Variants in NSD2 observed in about 807,000 individuals in gnomAD.
NSD2 encodes the protein nuclear receptor binding SET domain protein 2.
NSD2 carries 12 observed loss-of-function variants against 139.0 expected under a neutral mutation model. The observed-to-expected ratio is 0.09, with a 90% confidence interval of 0.06 to 0.14. The LOEUF is 0.14. Ranked by LOEUF, NSD2 falls within the 10% of genes least tolerant of loss-of-function variation. The pLI is 1.00. For missense variants in NSD2, 1,155 were observed against 1,745.0 expected (o/e 0.66, Z 6.02); for synonymous variants, 669 against 648.7 (o/e 1.03, Z -0.48).
At chr4:1,939,804 C>T in intron 9 of NSD2, 26 bp downstream of exon 9, 1 of 1,614,046 alleles carries the variant, frequency 6.2e-7, no homozygotes, top group Non-Finnish European at 8.5e-7. Flanking sequence ...TAACGATAAC[C>T]ATGGCATTGG....
At position 1,900,882 on chromosome 4, in the gene NSD2, C is replaced by G; in HGVS notation, c.228C>G (p.Ala76=). The stretch of plus-strand genomic sequence containing the variant: ...ACGACGCCCTGCCCTTTATTCCAGC[C>G]GACAAGCTGAAAGATCTTACTTCCC... ...NGHDALPFIP[A]DKLKDLTSRV... The change falls in exon 2 of 22, where the codon GCC becomes GCG. Residue 76 remains alanine (A), a synonymous_variant. Transcript: ENST00000508803. 1 of 1,612,940 alleles carries G rather than the reference C, an allele frequency of 6.2e-7. No individual in the cohort carries two copies. The highest frequency in any genetic ancestry group is 2.2e-5 in the East Asian group (1 of 44,864).
chr4:1,901,399 G>T, intron 2 of NSD2, 148 bp downstream of exon 2: 1 of 718,738 alleles, frequency 1.4e-6, no homozygotes, highest in Non-Finnish European at 2.2e-6. Flanking sequence ...CCCTGGCTTT[G>T]GGTTGGAGGG....
At chr4:1,872,678 A>T (rs190137524) in intron 1 of NSD2, among the ~76,000 whole-genome samples, 16 of 148,518 alleles carry the variant, frequency 1.1e-4, no homozygotes, top group Admixed American at 7.5e-4. Flanking sequence ...GATAAAGTTC[A>T]GGCCTGGCTC....
At position 1,968,292 on chromosome 4, in the gene NSD2, G is replaced by T. The variant is rs531637188; in HGVS notation, c.3373-6571G>T. Among the ~76,000 whole-genome samples the T allele has an allele frequency of 3.6e-4, 55 of 152,324 alleles. 1 individual carries two copies. Among genetic ancestry groups the T allele is most frequent in the African/African-American group, 1.3e-3 (53 of 41,568 alleles). ...ATGTGGATATGTCTTAAATAAGTCAGGTTGTGTCAAATTATGATGGATGAT... is the reference window on the plus strand; with the variant it reads ...ATGTGGATATGTCTTAAATAAGTCATGTTGTGTCAAATTATGATGGATGAT... On this transcript the variant is annotated intron_variant, in intron 18 of 21. Coordinates refer to ENST00000508803, the MANE Select transcript of NSD2 (RefSeq NM_001042424.3).
intron 19 of NSD2, 124 bp from the exon 20 acceptor site, chr4:1,975,170 A>AT: frequency 7.1e-7 from 1 of 1,398,864 alleles, no homozygotes; most frequent in East Asian, 2.3e-5. Flanking sequence ...TTGAAAGGCC[A>AT]TGGGTCAAGC....
At position 1,949,867 on chromosome 4, in the gene NSD2, A is replaced by G. The variant is rs549407116; in HGVS notation, c.1882-1205A>G. ...TTCTTCCACCGCTCCCTGCAATGTCAGCTAAATGTGGAAAAGCTCACTGAT... is the reference window on the plus strand; with the variant it reads ...TTCTTCCACCGCTCCCTGCAATGTCGGCTAAATGTGGAAAAGCTCACTGAT... On this transcript the variant is annotated intron_variant, in intron 9 of 21. Coordinates refer to ENST00000508803, the MANE Select transcript of NSD2 (RefSeq NM_001042424.3). 7.2e-5 allele frequency among the ~76,000 whole-genome samples: 11 copies of G among 152,198 alleles called. No homozygotes were observed. The East Asian group carries it at 2.1e-3, about 29-fold the overall frequency.
At chr4:1,911,883 T>A (rs1718741643) in intron 3 of NSD2, among the ~76,000 whole-genome samples, 1 of 152,198 alleles carries the variant, frequency 6.6e-6, no homozygotes, top group African/African-American at 2.4e-5. Context: ...TTCTGCTTTT[T>A]TTCCCACCTG....
chr4:1,917,954 G>T (rs1171086526), intron 4 of NSD2, among the ~76,000 whole-genome samples, 187 bp from the exon 5 acceptor site: 3 of 151,220 alleles, frequency 2.0e-5, no homozygotes, highest in Admixed American at 2.0e-4. Context: ...CTTATCTTTT[G>T]TATTTTAGTA....
At chr4:1,889,178 G>A (rs1398402093) in intron 1 of NSD2, among the ~76,000 whole-genome samples, 1 of 152,110 alleles carries the variant, frequency 6.6e-6, no homozygotes, top group Non-Finnish European at 1.5e-5. Flanking sequence ...GATTACAGGC[G>A]TGAGCCACTG....
rs1482638487 is a variant in NSD2 at position 1,980,841 on chromosome 4, C to CA, written c.*1935dup. 4.3e-6 allele frequency: 1 copy of CA among 233,174 alleles called. No homozygotes were observed. The highest frequency in any genetic ancestry group is 8.5e-6 in the Non-Finnish European group (1 of 118,048). The allele number at this position is 233,174 out of a possible 1,614,324, so 14.4% of individuals were successfully genotyped here. A position where few individuals can be genotyped will look rare whatever the true frequency, so the allele number is the denominator to read the frequency against. ...TTCCAGTTCAGACTCTAACTTCTCC[C>CA]AAAGTGTCCTAAGAAAATACTGGAT... is the stretch of plus-strand genomic sequence containing the variant. On this transcript the variant is annotated 3_prime_UTR_variant, in exon 22 of 22. Coordinates refer to ENST00000508803, the MANE Select transcript of NSD2 (RefSeq NM_001042424.3).
Position 1,947,122 on chromosome 4 carries a change from G to A in NSD2, c.1882-3950G>A, listed in dbSNP as rs1577515232. 7.5e-6 allele frequency: 8 copies of A among 1,065,196 alleles called. 1 individual carries two copies. Among genetic ancestry groups the A allele is most frequent in the South Asian group, 4.5e-5 (1 of 21,980 alleles). 66.0% of individuals were successfully genotyped at this position (1,065,196 alleles called of 1,614,324 possible). On this transcript the variant is annotated intron_variant, in intron 9 of 21. Coordinates refer to ENST00000508803, the MANE Select transcript of NSD2 (RefSeq NM_001042424.3). ...TGTCATTGTCCTCAAGTCCTTCGCAGACAGTGCACAGCCTGCTGTCTGCAG... is the reference window on the plus strand; with the variant it reads ...TGTCATTGTCCTCAAGTCCTTCGCAAACAGTGCACAGCCTGCTGTCTGCAG...
At chr4:1,967,332 C>A (rs767499356) in intron 18 of NSD2, among the ~76,000 whole-genome samples, 1 of 152,222 alleles carries the variant, frequency 6.6e-6, no homozygotes, top group Non-Finnish European at 1.5e-5. Context: ...GTAATCCCAG[C>A]ACTTTGGGAG....
intron 5 of NSD2, among the ~76,000 whole-genome samples, chr4:1,919,760 C>T (rs866548739): frequency 3.3e-5 from 5 of 151,874 alleles, no homozygotes; most frequent in Admixed American, 6.6e-5. Flanking sequence ...GATGAAACCC[C>T]GTCTCTACTA....
chr4:1,945,353 T>C, intron 9 of NSD2: 2 of 1,065,522 alleles, frequency 1.9e-6, no homozygotes, highest in Non-Finnish European at 2.3e-6. Flanking sequence ...AGCTTGCTGC[T>C]CCTGTGCTGC....
intron 1 of NSD2, among the ~76,000 whole-genome samples, chr4:1,890,226 G>C (rs943275636): frequency 1.3e-5 from 2 of 152,124 alleles, no homozygotes; most frequent in Admixed American, 1.3e-4. Context: ...TTGATAGACA[G>C]TTGGGTTGCT....
chr4:1,976,422 GCT>G lies in NSD2; in HGVS notation c.3622-52_3622-51del. On this transcript the variant is annotated intron_variant, in intron 20 of 21. Transcript: ENST00000508803. The surrounding 1 kb of genome is among the most constrained non-coding windows in gnomAD (Gnocchi z 5.3). The stretch of plus-strand genomic sequence containing the variant: ...TGTAGCTCGCTCTTCTGCCCTATTT[GCT>G]TCAGCCTGTGTAATTCTTTCCGGTG... 1 of 1,576,962 alleles carries G rather than the reference GCT, an allele frequency of 6.3e-7. No individual in the cohort carries two copies. Among genetic ancestry groups the G allele is most frequent in the South Asian group, 1.2e-5 (1 of 86,516 alleles).
At chr4:1,953,106 T>G (rs991305272) in intron 11 of NSD2, 1 of 1,515,052 alleles carries the variant, frequency 6.6e-7, no homozygotes. Context: ...GTATTTCAGG[T>G]GAAGCTGGAG....
chr4:1,927,723 A>G (rs905549465), intron 5 of NSD2, among the ~76,000 whole-genome samples: 1 of 127,838 alleles, frequency 7.8e-6, no homozygotes, highest in African/African-American at 3.7e-5. Context: ...ATCTCAGAAA[A>G]AAAAAAAAAA....
intron 9 of NSD2, chr4:1,946,190 C>T: frequency 6.9e-6 from 7 of 1,019,490 alleles, no homozygotes; most frequent in Non-Finnish European, 8.2e-6. Context: ...GAAAAGGTTT[C>T]TTAAAATACT....
Sources: gnomAD v4.1 joint callset for allele counts (sites outside exome capture counted in the v4.1 genomes callset) on GRCh38, gnomAD v4.1.1 for gene constraint, Gnocchi (gnomAD v3.1) non-coding constraint, MANE v1.5 for transcripts, NCBI Gene and HGNC (gene_info 2026-07-23, HGNC 2026-07-21) for gene names.